KANK4: variants seen among roughly 807,000 people sequenced by gnomAD.
The protein encoded by KANK4 is KN motif and ankyrin repeat domains 4, also known as KN motif and ankyrin repeat domain-containing protein 4.
Under a neutral mutation model 80.8 loss-of-function variants are expected in KANK4, and 50 were observed. That is an observed-to-expected ratio of 0.62 (90% CI 0.49 to 0.78). KANK4 has a LOEUF of 0.78. KANK4 is among the 30% of genes least tolerant of loss of function. The pLI is 0.00. For missense variants in KANK4, 1,196 were observed against 1,240.1 expected (o/e 0.96, Z 0.53); for synonymous variants, 465 against 506.9 (o/e 0.92, Z 1.11).
chr1:62,245,452 G>C (rs374325453), intron 9 of KANK4, among the ~76,000 whole-genome samples: 1 of 152,302 alleles, frequency 6.6e-6, no homozygotes, highest in African/African-American at 2.4e-5. Flanking sequence ...TAGTTTAAAT[G>C]TGGCCCAGTA....
rs375873944 is a variant in KANK4, at chr1:62,253,016, G to C, written c.2682+51C>G. On this transcript the variant is annotated intron_variant, in intron 8 of 9. Transcript: ENST00000371153. ...TCTCACCCCACTAGCAGAATAAAGC[G>C]GGAGGTGCCCCTGCATTTACTGAAG... 2.5e-6 allele frequency: 4 copies of C among 1,596,706 alleles called. No individual in the cohort carries two copies. In the South Asian group the frequency reaches 4.5e-5, roughly 18 times the overall value.
intron 1 of KANK4, among the ~76,000 whole-genome samples, chr1:62,307,993 C>T (rs138025583): frequency 1.3e-5 from 2 of 152,258 alleles, no homozygotes; most frequent in Non-Finnish European, 2.9e-5. Flanking sequence ...CACCTCACCC[C>T]CTGCCTTAAC....
At position 62,253,153 on chromosome 1, in the gene KANK4, G is replaced by A. The variant is rs760261691; in HGVS notation, c.2596C>T (p.Pro866Ser). 6.2e-7 allele frequency: 1 copy of A among 1,613,698 alleles called. No homozygotes were observed. Among genetic ancestry groups the A allele is most frequent in the South Asian group, 1.1e-5 (1 of 90,966 alleles). ...TCATTGGTCTCTGCGGAAGCCAAGG[G>A]AGTGATCATTACGGCAGTGTAGCCA... The part of the protein sequence containing the change: ...KAGYTAVMIT[P>S]LASAETNEDM... The change falls in exon 8 of 10, where the codon CCC becomes TCC. Residue 866 changes from proline (P) to serine (S), a missense_variant. Coordinates refer to ENST00000371153, the MANE Select transcript of KANK4 (RefSeq NM_181712.5).
At chr1:62,298,699 G>A (rs1008795193) in intron 1 of KANK4, among the ~76,000 whole-genome samples, 5 of 152,214 alleles carry the variant, frequency 3.3e-5, no homozygotes, top group African/African-American at 4.8e-5. Flanking sequence ...GTATAAGGCT[G>A]TTCTGATGGC....
chr1:62,248,273 ACGTAGCAATGAGC>A (rs1307273130), intron 8 of KANK4, among the ~76,000 whole-genome samples: 1 of 152,206 alleles, frequency 6.6e-6, no homozygotes, highest in African/African-American at 2.4e-5. Flanking sequence ...TCATAGGTGG[ACGTAGCAATGAGC>A]CGGAATCAGA....
chr1:62,285,425 T>TA (rs1055676766), intron 1 of KANK4, among the ~76,000 whole-genome samples: 1 of 152,226 alleles, frequency 6.6e-6, no homozygotes, highest in Non-Finnish European at 1.5e-5. Flanking sequence ...TCTCCACACT[T>TA]ACGCCTTTTA....
intron 7 of KANK4, among the ~76,000 whole-genome samples, chr1:62,254,884 T>C (rs565728415): frequency 9.6e-6 from 1 of 104,094 alleles, no homozygotes; most frequent in South Asian, 3.3e-4. Context: ...CCTGGTATTT[T>C]TTTTTTTTTT....
At chr1:62,282,235 A>C (rs1024443737) in intron 1 of KANK4, among the ~76,000 whole-genome samples, 12 of 152,138 alleles carry the variant, frequency 7.9e-5, no homozygotes, top group Non-Finnish European at 8.8e-5. Flanking sequence ...ATGGGTAACT[A>C]TTCAAGCAGA....
At chr1:62,313,221 A>G (rs1435647368) in intron 1 of KANK4, among the ~76,000 whole-genome samples, 1 of 152,214 alleles carries the variant, frequency 6.6e-6, no homozygotes, top group African/African-American at 2.4e-5. Flanking sequence ...TAGTATATAT[A>G]GAGTTCAGTA....
intron 1 of KANK4, among the ~76,000 whole-genome samples, chr1:62,312,661 G>A (rs939345619): frequency 2.0e-5 from 3 of 152,228 alleles, no homozygotes; most frequent in African/African-American, 7.2e-5. Context: ...CTGCCACAGT[G>A]GCATCCCATG....
rs778466626 is a variant in KANK4 at position 62,273,491 on chromosome 1, G to T, written c.1613C>A (p.Thr538Asn). Residue 538 changes from threonine (T) to asparagine (N), a missense_variant, in exon 3 of 10, where the codon ACC becomes AAC. Thr to Asn is a moderately conservative substitution (Grantham distance 65). This residue lies in a region of KANK4 where 1,154 missense variants were observed against 1,179.6 expected (regional missense o/e 0.98). Coordinates refer to ENST00000371153, the MANE Select transcript of KANK4 (RefSeq NM_181712.5). ...CTCCTTCCCTGGGAGATTGGAACTG[G>T]TCTCCTCCCTCCCTGCTGGGGGAGT... Reference protein sequence around the residue: ...RKTPPAGREETSSNLPGKEHP... With the variant: ...RKTPPAGREENSSNLPGKEHP... 6.8e-6 allele frequency: 11 copies of T among 1,613,892 alleles called. No homozygotes were observed. Among genetic ancestry groups the T allele is most frequent in the Non-Finnish European group, 9.3e-6 (11 of 1,179,966 alleles).
intron 6 of KANK4, 39 bp downstream of exon 6, chr1:62,266,693 G>T (rs1447613226): frequency 2.2e-6 from 3 of 1,388,204 alleles, no homozygotes; most frequent in South Asian, 1.2e-5. Flanking sequence ...GTCTTAAACA[G>T]AAGGGAAATC....
chr1:62,248,491 C>T (rs187597029), intron 8 of KANK4, among the ~76,000 whole-genome samples: 1 of 152,092 alleles, frequency 6.6e-6, no homozygotes, highest in African/African-American at 2.4e-5. Flanking sequence ...ACCTTAGCCT[C>T]CCAAGTAGCT....
At position 62,238,151 on chromosome 1, in the gene KANK4, A is replaced by G; in HGVS notation, c.*126T>C. On this transcript the variant is annotated 3_prime_UTR_variant, in exon 10 of 10. Transcript: ENST00000371153. ...AATTATACAACAGGAATGTATGTGCATATTTGACATAGTTTCTTCTCTAGA... is the reference window on the plus strand; with the variant it reads ...AATTATACAACAGGAATGTATGTGCGTATTTGACATAGTTTCTTCTCTAGA... 1 of 629,998 alleles carries G rather than the reference A, an allele frequency of 1.6e-6. No homozygotes were observed. The highest frequency in any genetic ancestry group is 2.7e-5 in the East Asian group (1 of 36,592). The allele number at this position is 629,998 out of a possible 1,614,324, so 39.0% of individuals were successfully genotyped here. A position where few individuals can be genotyped will look rare whatever the true frequency, so the allele number is the denominator to read the frequency against.
intron 6 of KANK4, among the ~76,000 whole-genome samples, chr1:62,264,778 T>A (rs1425118789): frequency 6.6e-6 from 1 of 152,226 alleles, no homozygotes; most frequent in African/African-American, 2.4e-5. Flanking sequence ...AGAAAGATCC[T>A]AATATTAAGG....
At chr1:62,244,408 G>A (rs1158277003) in intron 9 of KANK4, among the ~76,000 whole-genome samples, 1 of 151,994 alleles carries the variant, frequency 6.6e-6, no homozygotes, top group Non-Finnish European at 1.5e-5. Context: ...GTTTGGCTGT[G>A]TCCCCACCCA....
At chr1:62,295,217 C>T (rs1644352726) in intron 1 of KANK4, among the ~76,000 whole-genome samples, 1 of 152,042 alleles carries the variant, frequency 6.6e-6, no homozygotes. Context: ...TGGCTCACTG[C>T]AACCTTCACC....
chr1:62,268,402 G>T lies in KANK4; in HGVS notation c.2116C>A (p.His706Asn). Residue 706 changes from histidine (H) to asparagine (N), a missense_variant, in exon 5 of 10, where the codon CAT (histidine) becomes AAT (asparagine). His to Asn is a moderately conservative substitution (Grantham distance 68). Around this residue, in one of 3 missense-constraint regions of KANK4, gnomAD observed 1,154 missense variants for 1,179.6 expected, o/e 0.98. Transcript: ENST00000371153. Reference protein sequence around the residue: ...EKKCDGPDHKHVKDAHLTCEA... With the variant: ...EKKCDGPDHKNVKDAHLTCEA... ...CAGGTGAGATGGGCATCTTTGACAT[G>T]CTTGTGATCTGGGCCGTCACACTTC... 6.2e-7 allele frequency: 1 copy of T among 1,614,018 alleles called. No homozygotes were observed. The highest frequency in any genetic ancestry group is 8.5e-7 in the Non-Finnish European group (1 of 1,180,010).
At chr1:62,244,015 T>A (rs1244012767) in intron 9 of KANK4, among the ~76,000 whole-genome samples, 1 of 151,654 alleles carries the variant, frequency 6.6e-6, no homozygotes, top group East Asian at 1.9e-4. Context: ...ATAGTTACCA[T>A]CCCCTGTGTG....
Sources: allele counts gnomAD v4.1 joint callset (sites outside exome capture counted in the v4.1 genomes callset), GRCh38; gene constraint gnomAD v4.1.1; regional missense constraint gnomAD v4.1.1; transcripts MANE v1.5; gene names NCBI Gene and HGNC (gene_info 2026-07-23, HGNC 2026-07-21).